TAB3: variants seen among roughly 807,000 people sequenced by gnomAD.
TAB3 encodes TGF-beta activated kinase 1 (MAP3K7) binding protein 3, also known as TGF-beta-activated kinase 1 and MAP3K7-binding protein 3.
A neutral mutation model predicts 48.1 loss-of-function variants in TAB3; 18 were observed. The observed-to-expected ratio is 0.37, with a 90% CI of 0.26 to 0.55. The LOEUF is 0.55. Ranked by LOEUF, TAB3 falls within the 20% of genes least tolerant of loss-of-function variation. TAB3 has a pLI of 0.78. For missense variants in TAB3, 414 were observed against 549.8 expected (o/e 0.75, Z 2.47); for synonymous variants, 185 against 190.2 (o/e 0.97, Z 0.22).
chrX:30,876,085 G>GC (rs1404135618), intron 1 of TAB3, among the ~76,000 whole-genome samples: 1 of 112,151 alleles, frequency 8.9e-6, no homozygotes, highest in Non-Finnish European at 1.9e-5. Flanking sequence ...CTGAAGGGCT[G>GC]CAACTTAGAA....
At chrX:30,870,264 AT>A (rs1327527865) in intron 2 of TAB3, among the ~76,000 whole-genome samples, 1 of 112,570 alleles carries the variant, frequency 8.9e-6, no homozygotes, top group Non-Finnish European at 1.9e-5. Context: ...TATTTAAAAG[AT>A]TTTTTTAAAA....
chrX:30,883,439 G>C, intron 1 of TAB3, among the ~76,000 whole-genome samples: 1 of 111,564 alleles, frequency 9.0e-6, no homozygotes, highest in Non-Finnish European at 1.9e-5. Context: ...TTTTACAGAT[G>C]GGAAGTTCTG....
intron 5 of TAB3, among the ~76,000 whole-genome samples, chrX:30,857,696 C>T (rs1027409687): frequency 9.0e-6 from 1 of 110,550 alleles, no homozygotes; most frequent in African/African-American, 3.3e-5. Context: ...TTTAAAAAAC[C>T]ACAAAACCAA....
At chrX:30,864,626 C>G (rs1157253243) in intron 4 of TAB3, among the ~76,000 whole-genome samples, 1 of 112,212 alleles carries the variant, frequency 8.9e-6, no homozygotes, top group Non-Finnish European at 1.9e-5. Flanking sequence ...CACAGTTTTT[C>G]CTGAGCTCAG....
chrX:30,838,885 T>G (rs1417899499), intron 9 of TAB3, among the ~76,000 whole-genome samples: 1 of 112,045 alleles, frequency 8.9e-6, no homozygotes, highest in Non-Finnish European at 1.9e-5. Context: ...ATTCACTTAT[T>G]AGTTCTAATA....
chrX:30,859,715 G>C (rs1456089661), intron 4 of TAB3, 37 bp from the exon 5 acceptor site: 1 of 491,814 alleles, frequency 2.0e-6, no homozygotes, highest in Non-Finnish European at 3.4e-6. Context: ...GTTAAGTCTA[G>C]TTACATATTT....
Position 30,855,632 on chromosome X carries a change from G to T in TAB3, c.103-70C>A, listed in dbSNP as rs1939039304. On this transcript the variant is annotated intron_variant, in intron 5 of 10. Transcript: ENST00000288422. Reference sequence around the variant, plus strand: ...ATTCTAATAGTGGAAGTCAGGCTTTGCCAGAGAGTTATGCAAATACTACTG... The same window carrying T: ...ATTCTAATAGTGGAAGTCAGGCTTTTCCAGAGAGTTATGCAAATACTACTG... 3.9e-6 allele frequency: 4 copies of T among 1,023,282 alleles called. No individual in the cohort carries two copies. The South Asian group carries it at 9.3e-5, about 24-fold the overall frequency. The allele number at this position is 1,023,282 out of a possible 1,213,427, so 84.3% of individuals were successfully genotyped here.
At chrX:30,880,970 A>G (rs1280442921) in intron 1 of TAB3, among the ~76,000 whole-genome samples, 1 of 111,696 alleles carries the variant, frequency 9.0e-6, no homozygotes, top group Non-Finnish European at 1.9e-5. Flanking sequence ...TCACAAAGAC[A>G]TTCTCCACAA....
chrX:30,845,429 T>C (rs1938593235), intron 8 of TAB3: 1 of 112,035 alleles, frequency 8.9e-6, no homozygotes, highest in African/African-American at 3.2e-5. Context: ...ACAGCAGAGG[T>C]TGGCAAACCT....
At chrX:30,869,812 A>G (rs1026897628) in intron 2 of TAB3, among the ~76,000 whole-genome samples, 1 of 112,620 alleles carries the variant, frequency 8.9e-6, no homozygotes, top group African/African-American at 3.2e-5. Flanking sequence ...TTGATTTATT[A>G]ATGTATTGTA....
At chrX:30,879,313 G>C (rs1171846630) in intron 1 of TAB3, among the ~76,000 whole-genome samples, 1 of 111,732 alleles carries the variant, frequency 8.9e-6, no homozygotes, top group Middle Eastern at 4.6e-3. Context: ...ATTTTACAAG[G>C]CTACTAAAGC....
chrX:30,846,181 T>C, intron 8 of TAB3: 2 of 574,586 alleles, frequency 3.5e-6, no homozygotes, highest in Non-Finnish European at 4.6e-6. Context: ...AGAAATCTGA[T>C]ACTCTGATTT....
intron 5 of TAB3, 127 bp downstream of exon 5, chrX:30,859,360 C>CA (rs1555941683): frequency 4.1e-5 from 16 of 391,976 alleles, no homozygotes; most frequent in South Asian, 8.4e-5. Context: ...AAATCCTGCT[C>CA]CACACACACA....
chrX:30,871,564 A>T, intron 2 of TAB3, 135 bp downstream of exon 2: 1 of 112,129 alleles, frequency 8.9e-6, no homozygotes, highest in South Asian at 3.7e-4. Flanking sequence ...AAACACATGA[A>T]ATCACTTGGA....
At chrX:30,876,270 C>T (rs777548931) in intron 1 of TAB3, among the ~76,000 whole-genome samples, 14 of 112,017 alleles carry the variant, frequency 1.2e-4, no homozygotes, top group Middle Eastern at 4.6e-3. Flanking sequence ...GAAAAACTAT[C>T]ATCCTTGGTT....
chrX:30,832,124 G>C lies in TAB3; in HGVS notation c.1991-549C>G, dbSNP rs771369956. Among the ~76,000 whole-genome samples the C allele has an allele frequency of 2.7e-5, 3 of 112,241 alleles. No homozygotes were observed. The South Asian group carries it at 1.1e-3, about 42-fold the overall frequency. On this transcript the variant is annotated intron_variant, in intron 10 of 10. Transcript: ENST00000288422. ...AGTTTTCCTCAGAATAGTGAAAAGA[G>C]GAAGATTCTACAGTTCATTTTTCAT...
chrX:30,833,191 G>A lies in TAB3; in HGVS notation c.1990+860C>T, dbSNP rs766209417. Among the ~76,000 whole-genome samples the A allele has an allele frequency of 1.1e-4, 12 of 108,189 alleles. No homozygotes were observed. The South Asian group carries it at 2.9e-3, about 26-fold the overall frequency. The allele number at this position is 108,189 out of a possible 115,157, so 93.9% of individuals were successfully genotyped here. A position where few individuals can be genotyped will look rare whatever the true frequency, so the allele number is the denominator to read the frequency against. On this transcript the variant is annotated intron_variant, in intron 10 of 10. Transcript: ENST00000288422. ...TTCACCGTGTTAGCCAGGATGGTTC[G>A]ATCTCCTGACCTCGTGATCCGCCTG...
intron 7 of TAB3, among the ~76,000 whole-genome samples, chrX:30,848,151 T>C (rs1187754682): frequency 9.0e-6 from 1 of 110,595 alleles, no homozygotes; most frequent in Non-Finnish European, 1.9e-5. Flanking sequence ...TTTTAGGGAG[T>C]TGGGGGCAAG....
chrX:30,859,360 C>CCTGCTCCA (rs1555941682), intron 5 of TAB3, 127 bp downstream of exon 5: 4 of 399,882 alleles, frequency 1.0e-5, no homozygotes, highest in Non-Finnish European at 8.8e-6. Context: ...AAATCCTGCT[C>CCTGCTCCA]CACACACACA....
Sources: gnomAD v4.1 joint callset for allele counts (sites outside exome capture counted in the v4.1 genomes callset) on GRCh38, gnomAD v4.1.1 for gene constraint, MANE v1.5 for transcripts, NCBI Gene and HGNC (gene_info 2026-07-23, HGNC 2026-07-21) for gene names.